The following ASTN1 variants were observed in gnomAD, a reference collection of about 807,000 sequenced individuals.
The protein encoded by ASTN1 is astrotactin 1.
A neutral mutation model predicts 140.7 loss-of-function variants in ASTN1; 41 were observed. The observed-to-expected ratio is 0.29, with a 90% CI of 0.23 to 0.38. ASTN1 has a LOEUF of 0.38. Ranked by LOEUF, ASTN1 falls within the 10% of genes least tolerant of loss-of-function variation. The pLI is 1.00. For synonymous variants in ASTN1, 640 were observed against 652.2 expected (o/e 0.98, Z 0.29); for missense variants, 1,479 against 1,678.8 (o/e 0.88, Z 2.08).
chr1:176,879,116 G>C (rs1028984211), intron 20 of ASTN1, among the ~76,000 whole-genome samples: 3 of 152,184 alleles, frequency 2.0e-5, no homozygotes, highest in African/African-American at 7.2e-5. Context: ...TCACAGGGCT[G>C]GGGCATGGGC....
intron 16 of ASTN1, among the ~76,000 whole-genome samples, chr1:176,915,923 A>C (rs1346179049): frequency 1.3e-5 from 2 of 152,234 alleles, no homozygotes; most frequent in Non-Finnish European, 2.9e-5. Flanking sequence ...GGCAAGAATC[A>C]AACATGACTG....
chr1:177,138,819 T>C lies in ASTN1; in HGVS notation c.283+25575A>G, dbSNP rs114751932. Among the ~76,000 whole-genome samples, 913 of 152,340 alleles carry C rather than the reference T, an allele frequency of 6.0e-3. 11 individuals are homozygous for C. Among genetic ancestry groups the C allele is most frequent in the African/African-American group, 0.02 (838 of 41,568 alleles). On this transcript the variant is annotated intron_variant, in intron 1 of 22. Transcript: ENST00000361833. Reference sequence around the variant, plus strand: ...GGTGGATCTTATTGGTGCCGAAAACTGTGCCAGCTTCCCTAAAATATGATT... The same window carrying C: ...GGTGGATCTTATTGGTGCCGAAAACCGTGCCAGCTTCCCTAAAATATGATT...
At chr1:176,933,941 C>G (rs935159792) in intron 16 of ASTN1, among the ~76,000 whole-genome samples, 1 of 152,124 alleles carries the variant, frequency 6.6e-6, no homozygotes, top group African/African-American at 2.4e-5. Context: ...AGTGTTGACC[C>G]CATTCTGCAT....
At chr1:176,938,895 C>T (rs1157009499) in intron 14 of ASTN1, among the ~76,000 whole-genome samples, 3 of 152,070 alleles carry the variant, frequency 2.0e-5, no homozygotes, top group Non-Finnish European at 4.4e-5. Flanking sequence ...AGGCAGATCA[C>T]TTGAGGTCAG....
Position 176,861,846 on chromosome 1 carries a change from G to A in ASTN1, c.*2438C>T, listed in dbSNP as rs1302100493. 1.0e-6 allele frequency: 1 copy of A among 985,244 alleles called. No individual in the cohort carries two copies. Among genetic ancestry groups the A allele is most frequent in the African/African-American group, 1.7e-5 (1 of 57,216 alleles). The allele number at this position is 985,244 out of a possible 1,614,324, so 61.0% of individuals were successfully genotyped here. On this transcript the variant is annotated 3_prime_UTR_variant, in exon 23 of 23. Coordinates refer to ENST00000361833, the MANE Select transcript of ASTN1 (RefSeq NM_004319.3). ...AAGGTAGAGGAACTTGGGAGACTGA[G>A]GGAAAGATAGGAGAGAGGAAGATAG...
At chr1:176,925,449 T>C (rs1480733422) in intron 16 of ASTN1, among the ~76,000 whole-genome samples, 2 of 152,270 alleles carry the variant, frequency 1.3e-5, no homozygotes, top group Non-Finnish European at 2.9e-5. Flanking sequence ...TGAATTAGAA[T>C]CTCCATTTTA....
intron 1 of ASTN1, among the ~76,000 whole-genome samples, chr1:177,142,907 G>C (rs907916072): frequency 3.8e-4 from 54 of 141,468 alleles, no homozygotes; most frequent in African/African-American, 1.6e-3. Context: ...AAAAAAAGGG[G>C]GGGAGGGGTG....
At chr1:176,871,041 T>G (rs1668320826) in intron 21 of ASTN1, among the ~76,000 whole-genome samples, 1 of 152,190 alleles carries the variant, frequency 6.6e-6, no homozygotes. Flanking sequence ...GTTGCTATTG[T>G]GTACTGATGT....
At chr1:176,923,195 G>C (rs892481997) in intron 16 of ASTN1, among the ~76,000 whole-genome samples, 4 of 152,124 alleles carry the variant, frequency 2.6e-5, no homozygotes, top group African/African-American at 9.7e-5. Context: ...ATTTAACCTT[G>C]AGTCAGGCAT....
At chr1:176,895,259 A>G (rs1555068) in intron 16 of ASTN1, among the ~76,000 whole-genome samples, 126,857 of 151,800 alleles carry the variant, frequency 0.84, 53,160 homozygotes, top group Middle Eastern at 0.95. Context: ...ACAATGGCTA[A>G]CAAATGGCAA....
intron 21 of ASTN1, 111 bp downstream of exon 21, chr1:176,876,426 G>C (rs916466313): frequency 8.8e-7 from 1 of 1,136,810 alleles, no homozygotes; most frequent in African/African-American, 1.5e-5. Context: ...CTCCTTCCCT[G>C]CTGAACTCCA....
At chr1:177,105,332 C>T (rs1048872807) in intron 1 of ASTN1, among the ~76,000 whole-genome samples, 3 of 152,156 alleles carry the variant, frequency 2.0e-5, no homozygotes, top group African/African-American at 7.2e-5. Flanking sequence ...TTTCTTTTCA[C>T]TCCCCATGGA....
intron 3 of ASTN1, among the ~76,000 whole-genome samples, 179 bp downstream of exon 3, chr1:177,032,277 A>T (rs1369961057): frequency 6.6e-6 from 1 of 152,160 alleles, no homozygotes; most frequent in Non-Finnish European, 1.5e-5. Flanking sequence ...CTGGTTTTCT[A>T]GATTAGAAAA....
chr1:176,936,438 C>G, intron 14 of ASTN1, 68 bp from the exon 15 acceptor site: 3 of 1,284,790 alleles, frequency 2.3e-6, no homozygotes, highest in South Asian at 1.2e-5. Flanking sequence ...AAAAGCATGA[C>G]CCACCTCTAT....
chr1:177,024,700 T>C lies in ASTN1; in HGVS notation c.1153A>G (p.Thr385Ala), dbSNP rs1676013323. 2.5e-6 allele frequency: 4 copies of C among 1,613,918 alleles called. No individual in the cohort carries two copies. Among genetic ancestry groups the C allele is most frequent in the Non-Finnish European group, 3.4e-6 (4 of 1,179,852 alleles). Residue 385 changes from threonine to alanine, a missense_variant, in exon 6 of 23, where the codon ACC becomes GCC. Physicochemically the swap from Thr to Ala is moderately conservative, Grantham distance 58. This residue lies in a region of ASTN1 where 729 missense variants were observed against 860.4 expected (regional missense o/e 0.85). Coordinates refer to ENST00000361833, the MANE Select transcript of ASTN1 (RefSeq NM_004319.3). The part of the protein sequence containing the change: ...GSPRSPVNKT[T>A]LTLISITSCV... ...CTGGTGATGCTGATCAGGGTCAAGG[T>C]GGTCTTATTCACAGGACTTCGGGGA... is the stretch of plus-strand genomic sequence containing the variant.
At chr1:176,979,186 C>T (rs138871183) in intron 8 of ASTN1, among the ~76,000 whole-genome samples, 1 of 152,254 alleles carries the variant, frequency 6.6e-6, no homozygotes, top group East Asian at 1.9e-4. Flanking sequence ...TGCTTTAAAT[C>T]CTCACCCTGG....
intron 9 of ASTN1, among the ~76,000 whole-genome samples, chr1:176,958,936 C>T (rs2103131774): frequency 6.6e-6 from 1 of 152,224 alleles, no homozygotes; most frequent in Non-Finnish European, 1.5e-5. Flanking sequence ...AAGAAAGCAC[C>T]CCTTTACAGC....
chr1:176,942,370 G>A (rs1360093970), intron 14 of ASTN1, among the ~76,000 whole-genome samples: 4 of 152,074 alleles, frequency 2.6e-5, no homozygotes, highest in Non-Finnish European at 4.4e-5. Context: ...CAGAGCTGAG[G>A]CTGTTAATCA....
downstream of ASTN1, chr1:176,857,676 G>A: frequency 1.7e-6 from 1 of 571,936 alleles, no homozygotes. Context: ...TGTGGGAAAA[G>A]TTTCAATAGT....
Sources: allele counts gnomAD v4.1 joint callset (sites outside exome capture counted in the v4.1 genomes callset), GRCh38; gene constraint gnomAD v4.1.1; regional missense constraint gnomAD v4.1.1; transcripts MANE v1.5; gene names NCBI Gene and HGNC (gene_info 2026-07-23, HGNC 2026-07-21).